AUTS2: variants seen among roughly 807,000 people sequenced by gnomAD.
AUTS2 encodes activator of transcription and developmental regulator AUTS2.
In AUTS2, 17 loss-of-function variants were observed where a neutral mutation model predicts 112.4. The observed-to-expected ratio is 0.15, with a 90% CI of 0.10 to 0.23. AUTS2 has a LOEUF of 0.23. Ranked by LOEUF, AUTS2 falls within the 10% of genes least tolerant of loss-of-function variation. AUTS2 has a pLI of 1.00. For missense variants in AUTS2, 1,510 were observed against 1,701.6 expected (o/e 0.89, Z 1.98); for synonymous variants, 751 against 702.7 (o/e 1.07, Z -1.09).
rs1792066278 is a variant in AUTS2 at position 70,793,017 on chromosome 7, C to A, written c.*2021C>A. 1 of 152,536 alleles carries A rather than the reference C, an allele frequency of 6.6e-6. No individual in the cohort carries two copies. The highest frequency in any genetic ancestry group is 1.5e-5 in the Non-Finnish European group (1 of 68,050). 9.4% of individuals were successfully genotyped at this position (152,536 alleles called of 1,614,324 possible). ...TCACCTGCAGTGGCTGACCACCCTA[C>A]CCAACTCGGTTAGTGTCTCACCAAT... On this transcript the variant is annotated 3_prime_UTR_variant, in exon 19 of 19. Transcript: ENST00000342771.
At chr7:70,117,127 G>GTTTTTTTTTTTTTTTTTTTTTTTTTTT (rs1491008028) in intron 2 of AUTS2, among the ~76,000 whole-genome samples, 1 of 62,782 alleles carries the variant, frequency 1.6e-5, no homozygotes, top group Non-Finnish European at 3.2e-5. Flanking sequence ...GTTTTTTTTT[G>GTTTTTTTTTTTTTTTTTTTTTTTTTTT]TTTTTTTTTG....
intron 1 of AUTS2, among the ~76,000 whole-genome samples, chr7:69,809,581 T>C (rs1274231540): frequency 6.6e-6 from 1 of 152,122 alleles, no homozygotes; most frequent in African/African-American, 2.4e-5. Flanking sequence ...GCTCAGAACC[T>C]GGGGGCTCAC....
In AUTS2 at chr7:70,612,135, T is replaced by C. The variant is rs561948370; in HGVS notation, c.691-86434T>C. 2.0e-5 allele frequency among the ~76,000 whole-genome samples: 3 copies of C among 152,288 alleles called. No homozygotes were observed. In the South Asian group the frequency reaches 6.2e-4, roughly 32 times the overall value. On this transcript the variant is annotated intron_variant, in intron 5 of 18. Coordinates refer to ENST00000342771, the MANE Select transcript of AUTS2 (RefSeq NM_015570.4). Reference sequence around the variant, plus strand: ...CCCCAGATTATTAGCTGCTAATAGATTTTTGTAGTTTTAGGGAAAGGAGAA... The same window carrying C: ...CCCCAGATTATTAGCTGCTAATAGACTTTTGTAGTTTTAGGGAAAGGAGAA...
chr7:70,791,854 G>GACAT lies in AUTS2; in HGVS notation c.*859_*862dup, dbSNP rs1322104138. 7 of 152,154 alleles carry GACAT rather than the reference G, an allele frequency of 4.6e-5. No homozygotes were observed. The highest frequency in any genetic ancestry group is 3.9e-4 in the Admixed American group (6 of 15,272). The allele number at this position is 152,154 out of a possible 1,614,324, so 9.4% of individuals were successfully genotyped here. A position where few individuals can be genotyped will look rare whatever the true frequency, so the allele number is the denominator to read the frequency against. Reference sequence around the variant, plus strand: ...GTGTAGCCCCGGAGAGGTAACTGAGGACATGAGCAACCAGTGCCAGGGAGG... The same window carrying GACAT: ...GTGTAGCCCCGGAGAGGTAACTGAGGACATACATGAGCAACCAGTGCCAGGGAGG... On this transcript the variant is annotated 3_prime_UTR_variant, in exon 19 of 19. Transcript: ENST00000342771.
chr7:70,596,419 G>A (rs1420004465), intron 5 of AUTS2: 7 of 152,204 alleles, frequency 4.6e-5, no homozygotes, highest in Admixed American at 6.5e-5. Flanking sequence ...CAGAGGCAGA[G>A]GCCGGCTGGC....
At chr7:70,402,245 A>T (rs1794357656) in intron 4 of AUTS2, among the ~76,000 whole-genome samples, 1 of 152,236 alleles carries the variant, frequency 6.6e-6, no homozygotes, top group East Asian at 1.9e-4. Context: ...CCCAGGAAAT[A>T]AAGAATTACG....
rs116534897 is a variant in AUTS2 at position 70,766,828 on chromosome 7, C to T, written c.1689+494C>T. The stretch of plus-strand genomic sequence containing the variant: ...CATTCCGATGGCTTCCCTAAACCCA[C>T]TTTGTTGGAGGTGTTATATTTCTTG... On this transcript the variant is annotated intron_variant, in intron 9 of 18. Transcript: ENST00000342771. The surrounding 1 kb of genome is among the most constrained non-coding windows in gnomAD (Gnocchi z 4.8). Among the ~76,000 whole-genome samples, 354 of 152,306 alleles carry T rather than the reference C, an allele frequency of 2.3e-3. 4 individuals carry two copies. The highest frequency in any genetic ancestry group is 8.1e-3 in the African/African-American group (336 of 41,554).
chr7:69,959,592 G>T (rs538523726), intron 2 of AUTS2, among the ~76,000 whole-genome samples: 1 of 151,906 alleles, frequency 6.6e-6, no homozygotes, highest in Non-Finnish European at 1.5e-5. Flanking sequence ...TCACTTTCTC[G>T]GATCATGACC....
intron 4 of AUTS2, among the ~76,000 whole-genome samples, chr7:70,241,435 G>C (rs1259283412): frequency 6.6e-6 from 1 of 152,076 alleles, no homozygotes; most frequent in Admixed American, 6.6e-5. Flanking sequence ...ATATATAAAT[G>C]TTCTGTAAAA....
intron 1 of AUTS2, among the ~76,000 whole-genome samples, chr7:69,720,074 T>A (rs1798839067): frequency 6.6e-6 from 1 of 152,178 alleles, no homozygotes; most frequent in Admixed American, 6.5e-5. Context: ...AAGAGTTTTG[T>A]AAGAAATGGC....
At chr7:70,191,549 T>A (rs775055535) in intron 4 of AUTS2, among the ~76,000 whole-genome samples, 3 of 152,198 alleles carry the variant, frequency 2.0e-5, no homozygotes, top group Admixed American at 1.3e-4. Context: ...AACTTTCATG[T>A]CTTATTTCAT....
intron 1 of AUTS2, among the ~76,000 whole-genome samples, chr7:69,890,437 C>A (rs1009333195): frequency 2.0e-5 from 3 of 151,960 alleles, no homozygotes; most frequent in African/African-American, 7.3e-5. Flanking sequence ...TTTTTTTAAA[C>A]CTTGTCCCTC....
In AUTS2 at chr7:70,762,892, G is replaced by C. The variant is rs758258700; in HGVS notation, c.765G>C (p.Thr255=). 5.0e-6 allele frequency: 8 copies of C among 1,613,598 alleles called. No individual in the cohort carries two copies. In the Middle Eastern group the frequency reaches 6.6e-4, roughly 134 times the overall value. Reference sequence around the variant, plus strand: ...CAGATCCGGAGTTAGGTGTTGGCACGCTACCAGAACATGACAGCCAGGATG... The same window carrying C: ...CAGATCCGGAGTTAGGTGTTGGCACCCTACCAGAACATGACAGCCAGGATG... ...VNKDPELGVG[T]LPEHDSQDAG... The change falls in exon 7 of 19, where the codon ACG becomes ACC. Residue 255 remains threonine, a synonymous_variant. Coordinates refer to ENST00000342771, the MANE Select transcript of AUTS2 (RefSeq NM_015570.4).
At chr7:69,870,741 T>C (rs1380189835) in intron 1 of AUTS2, among the ~76,000 whole-genome samples, 1 of 151,924 alleles carries the variant, frequency 6.6e-6, no homozygotes, top group African/African-American at 2.4e-5. Flanking sequence ...GTATAGAAAG[T>C]AGGACAAAGG....
chr7:69,726,952 T>C (rs1025698261), intron 1 of AUTS2, among the ~76,000 whole-genome samples: 4 of 152,208 alleles, frequency 2.6e-5, no homozygotes. Context: ...AGTACTTCTT[T>C]CAGTCTGTTA....
At chr7:69,682,561 A>G (rs1319696513) in intron 1 of AUTS2, among the ~76,000 whole-genome samples, 3 of 152,202 alleles carry the variant, frequency 2.0e-5, no homozygotes, top group Admixed American at 1.3e-4. Flanking sequence ...AGCCTCTTCA[A>G]TACTCATACT....
intron 1 of AUTS2, among the ~76,000 whole-genome samples, chr7:69,641,448 G>A (rs1248985564): frequency 6.7e-6 from 1 of 150,242 alleles, no homozygotes; most frequent in East Asian, 1.9e-4. Flanking sequence ...AATCTGCTTT[G>A]TATGTGAATT....
chr7:69,991,661 A>G (rs1022685120), intron 2 of AUTS2, among the ~76,000 whole-genome samples: 1 of 152,232 alleles, frequency 6.6e-6, no homozygotes, highest in African/African-American at 2.4e-5. Context: ...AAGTTGAAAT[A>G]TGGAGGAATT....
intron 1 of AUTS2, among the ~76,000 whole-genome samples, chr7:69,685,829 GCCA>G (rs989371014): frequency 6.6e-6 from 1 of 151,648 alleles, no homozygotes; most frequent in African/African-American, 2.4e-5. Context: ...ACAGGCATGA[GCCA>G]CCACACATGG....
Sources: gnomAD v4.1 joint callset for allele counts (sites outside exome capture counted in the v4.1 genomes callset) on GRCh38, gnomAD v4.1.1 for gene constraint, Gnocchi (gnomAD v3.1) non-coding constraint, MANE v1.5 for transcripts, NCBI Gene and HGNC (gene_info 2026-07-23, HGNC 2026-07-21) for gene names.